The following ZNF423 variants were observed in gnomAD, a reference collection of about 807,000 sequenced individuals.
The protein encoded by ZNF423 is zinc finger protein 423, also known as Ebf-associated zinc finger protein.
A neutral mutation model predicts 95.8 loss-of-function variants in ZNF423; 12 were observed. The observed-to-expected ratio is 0.13, with a 90% CI of 0.08 to 0.20. The LOEUF is 0.20. Among genes scored for constraint, ZNF423 ranks in the 10% least tolerant of loss-of-function variants. The probability of loss-of-function intolerance (pLI) is 1.00; values close to 1 mark genes in which losing one functional copy is unlikely to be tolerated. For synonymous variants in ZNF423, 749 were observed against 711.9 expected, an observed-to-expected ratio of 1.05 and a Z score of -0.83; for missense variants, 1,316 against 1,737.1, an observed-to-expected ratio of 0.76 and a Z score of 4.31.
intron 5 of ZNF423, among the ~76,000 whole-genome samples, chr16:49,566,322 C>G (rs967933947): frequency 6.6e-6 from 1 of 152,210 alleles, no homozygotes; most frequent in Non-Finnish European, 1.5e-5. Flanking sequence ...GATTTCTCTG[C>G]TTACAGAGCA....
At chr16:49,809,353 C>A (rs926285708) in intron 1 of ZNF423, among the ~76,000 whole-genome samples, 1 of 152,182 alleles carries the variant, frequency 6.6e-6, no homozygotes, top group African/African-American at 2.4e-5. Context: ...TCGTGCAAAG[C>A]GGCATAGGCT....
intron 2 of ZNF423, among the ~76,000 whole-genome samples, chr16:49,777,572 T>C (rs2034141835): frequency 6.6e-6 from 1 of 152,240 alleles, no homozygotes; most frequent in Admixed American, 6.5e-5. Context: ...ACTAGTGGTG[T>C]GTCGCTGCAA....
At chr16:49,789,408 C>A in intron 2 of ZNF423, 79 bp downstream of exon 2, 1 of 1,416,472 alleles carries the variant, frequency 7.1e-7, no homozygotes, top group Non-Finnish European at 9.7e-7. Flanking sequence ...ATTTCCATAA[C>A]CAGCTGGGTG....
intron 3 of ZNF423, among the ~76,000 whole-genome samples, chr16:49,646,809 C>A (rs761901220): frequency 6.6e-6 from 1 of 152,018 alleles, no homozygotes; most frequent in African/African-American, 2.4e-5. Context: ...CCTGACCTTG[C>A]GATCCACCTG....
intron 5 of ZNF423, among the ~76,000 whole-genome samples, chr16:49,607,436 G>A (rs1971575684): frequency 6.6e-6 from 1 of 152,144 alleles, no homozygotes; most frequent in South Asian, 2.1e-4. Context: ...TGTGTATGTT[G>A]ATGTTTGATG....
intron 7 of ZNF423, among the ~76,000 whole-genome samples, chr16:49,501,252 T>C (rs1335273209): frequency 1.3e-5 from 2 of 152,284 alleles, no homozygotes; most frequent in Non-Finnish European, 2.9e-5. Context: ...GTGGGGTCTG[T>C]GTCAGCCCCA....
chr16:49,590,315 C>T (rs906390163), intron 5 of ZNF423, among the ~76,000 whole-genome samples: 1 of 152,048 alleles, frequency 6.6e-6, no homozygotes, highest in African/African-American at 2.4e-5. Flanking sequence ...GCTGGACTCC[C>T]GTTTGGCACT....
At chr16:49,590,383 G>A (rs1028697565) in intron 5 of ZNF423, among the ~76,000 whole-genome samples, 61 of 152,014 alleles carry the variant, frequency 4.0e-4, no homozygotes, top group African/African-American at 1.4e-3. Context: ...CACTCACACC[G>A]GCCACGTTTT....
chr16:49,645,830 G>C (rs188740020), intron 3 of ZNF423, among the ~76,000 whole-genome samples: 4 of 152,184 alleles, frequency 2.6e-5, no homozygotes, highest in Admixed American at 2.6e-4. Context: ...TCTGATGGTT[G>C]TATTAAGGGG....
chr16:49,528,135 C>T (rs1378441768), intron 5 of ZNF423, among the ~76,000 whole-genome samples: 3 of 152,116 alleles, frequency 2.0e-5, no homozygotes, highest in Admixed American at 6.5e-5. Flanking sequence ...CTCTGCCGAG[C>T]GGGGGCCTTT....
intron 7 of ZNF423, among the ~76,000 whole-genome samples, chr16:49,501,944 G>A (rs1035029895): frequency 6.6e-6 from 1 of 152,262 alleles, no homozygotes; most frequent in East Asian, 1.9e-4. Flanking sequence ...TCATGACCTG[G>A]GTGATGCATT....
chr16:49,792,388 A>G (rs7199484), intron 1 of ZNF423, among the ~76,000 whole-genome samples: 48,157 of 152,096 alleles, frequency 0.32, 7,602 homozygotes, highest in Middle Eastern at 0.42. Context: ...TCTGGGGGAA[A>G]TCAAAGCTCT....
chr16:49,771,922 TAG>T (rs2034042475), intron 2 of ZNF423, among the ~76,000 whole-genome samples: 1 of 152,116 alleles, frequency 6.6e-6, no homozygotes, highest in Non-Finnish European at 1.5e-5. Context: ...TCCCAAGAAC[TAG>T]AGTCAAGAGG....
intron 3 of ZNF423, among the ~76,000 whole-genome samples, chr16:49,727,727 C>T (rs940697933): frequency 6.6e-5 from 10 of 152,204 alleles, no homozygotes; most frequent in African/African-American, 2.4e-4. Context: ...CACCCCAGGT[C>T]ACGATTCCTG....
chr16:49,698,403 C>A (rs1199816480), intron 3 of ZNF423, among the ~76,000 whole-genome samples: 1 of 152,146 alleles, frequency 6.6e-6, no homozygotes, highest in Non-Finnish European at 1.5e-5. Flanking sequence ...GGCTGTGCTG[C>A]GACTTTGATT....
intron 5 of ZNF423, among the ~76,000 whole-genome samples, chr16:49,534,250 T>C (rs942516060): frequency 0.044 from 8 of 182 alleles, no homozygotes; most frequent in African/African-American, 0.13. Flanking sequence ...TTTTTTTTGT[T>C]TTTTTTTTTT....
intron 7 of ZNF423, among the ~76,000 whole-genome samples, chr16:49,491,523 C>T (rs1966962399): frequency 1.3e-5 from 2 of 149,996 alleles, no homozygotes; most frequent in South Asian, 4.2e-4. Context: ...ACTTGGACTC[C>T]CTATATGTTG....
intron 1 of ZNF423, chr16:49,854,372 G>T (rs532025816): frequency 6.8e-5 from 67 of 985,344 alleles, no homozygotes; most frequent in Non-Finnish European, 7.3e-5. Flanking sequence ...ACTGACGAGT[G>T]TCTCAAGATC....
chr16:49,667,125 A>G (rs1174037925), intron 3 of ZNF423, among the ~76,000 whole-genome samples: 1 of 152,188 alleles, frequency 6.6e-6, no homozygotes, highest in East Asian at 1.9e-4. Context: ...CAACTCCACC[A>G]CTTACTAACT....
Sources: gnomAD v4.1 joint callset for allele counts (sites outside exome capture counted in the v4.1 genomes callset) on GRCh38, gnomAD v4.1.1 for gene constraint, MANE v1.5 for transcripts, NCBI Gene and HGNC (gene_info 2026-07-23, HGNC 2026-07-21) for gene names.